THSD7B: variants seen among roughly 807,000 people sequenced by gnomAD.
The protein encoded by THSD7B is thrombospondin type-1 domain-containing protein 7B.
Under a neutral mutation model 213.6 loss-of-function variants are expected in THSD7B, and 138 were observed. The observed-to-expected ratio is 0.65, with a 90% CI of 0.56 to 0.74. The LOEUF (loss-of-function observed/expected upper bound fraction) is 0.74, where lower values mean the gene tolerates loss of function less well. Among genes scored for constraint, THSD7B ranks in the 30% least tolerant of loss-of-function variants. The pLI, the probability that THSD7B is intolerant of heterozygous loss-of-function variation, is 0.00. For missense variants in THSD7B, 1,931 were observed against 1,991.5 expected (o/e 0.97, Z 0.58); for synonymous variants, 742 against 687.0 (o/e 1.08, Z -1.25).
intron 21 of THSD7B, among the ~76,000 whole-genome samples, chr2:137,655,002 GC>G (rs2104815859): frequency 6.6e-6 from 1 of 152,238 alleles, no homozygotes; most frequent in South Asian, 2.1e-4. Context: ...ACATTATTCA[GC>G]ATAGAAGGCA....
At chr2:137,655,912 T>C (rs577256082) in intron 22 of THSD7B, among the ~76,000 whole-genome samples, 43 of 152,172 alleles carry the variant, frequency 2.8e-4, no homozygotes, top group Non-Finnish European at 5.6e-4. Context: ...CACTTCATTG[T>C]TTTACTTGGG....
chr2:137,457,732 C>T (rs1687790161), intron 15 of THSD7B, among the ~76,000 whole-genome samples: 2 of 152,158 alleles, frequency 1.3e-5, no homozygotes, highest in African/African-American at 4.8e-5. Flanking sequence ...GAAAAGCTCT[C>T]CCCTCCTTTC....
At chr2:137,651,216 A>T (rs978828024) in intron 21 of THSD7B, among the ~76,000 whole-genome samples, 1 of 151,846 alleles carries the variant, frequency 6.6e-6, no homozygotes, top group Non-Finnish European at 1.5e-5. Flanking sequence ...GTTTTTTTTC[A>T]TGGGAGACTT....
chr2:137,325,993 C>T (rs1370222566), intron 12 of THSD7B, among the ~76,000 whole-genome samples: 1 of 152,188 alleles, frequency 6.6e-6, no homozygotes, highest in African/African-American at 2.4e-5. Flanking sequence ...TTCTTAGAAG[C>T]CTTCTGAAAT....
intron 2 of THSD7B, chr2:136,990,903 A>G: frequency 1.5e-6 from 2 of 1,349,436 alleles, no homozygotes; most frequent in South Asian, 1.2e-5. Flanking sequence ...TGCATAACAC[A>G]GCAGATGAGG....
chr2:137,375,487 C>T (rs949999841), intron 12 of THSD7B, among the ~76,000 whole-genome samples: 1 of 152,116 alleles, frequency 6.6e-6, no homozygotes, highest in Non-Finnish European at 1.5e-5. Context: ...TCATGTTTCT[C>T]GCATGCAACT....
chr2:137,015,878 A>G (rs1686330424), intron 2 of THSD7B, among the ~76,000 whole-genome samples: 1 of 152,166 alleles, frequency 6.6e-6, no homozygotes. Context: ...CACAGAGCTC[A>G]GTTCCCCTTT....
intron 7 of THSD7B, among the ~76,000 whole-genome samples, chr2:137,214,783 A>G (rs974641116): frequency 6.6e-6 from 1 of 152,144 alleles, no homozygotes; most frequent in African/African-American, 2.4e-5. Context: ...TTATGGCTGC[A>G]TAGTCTTCCA....
intron 5 of THSD7B, among the ~76,000 whole-genome samples, chr2:137,152,323 T>G (rs1679834608): frequency 1.3e-5 from 2 of 152,194 alleles, no homozygotes; most frequent in Non-Finnish European, 2.9e-5. Flanking sequence ...ACATATTTTT[T>G]GGAAGCAGAC....
intron 2 of THSD7B, among the ~76,000 whole-genome samples, chr2:136,925,760 T>A (rs571831799): frequency 2.9e-4 from 44 of 152,266 alleles, no homozygotes; most frequent in Non-Finnish European, 5.0e-4. Context: ...TTTCTCTAAG[T>A]ATTTGAGAGA....
At position 137,170,866 on chromosome 2, in the gene THSD7B, A is replaced by C. The variant is rs765291530; in HGVS notation, c.1651A>C (p.Ile551Leu). Residue 551 changes from isoleucine to leucine, a missense_variant, in exon 7 of 28, where the codon ATC becomes CTC. By Grantham distance (5) the Ile-to-Leu change is conservative. Transcript: ENST00000409968. ...MCYRWLASEG[I>L]CFPDHGKCGL... ...CTACCGATGGCTGGCATCAGAAGGG[A>C]TCTGTTTCCCTGATCATGGAAAATG... The C allele has an allele frequency of 6.2e-7, 1 of 1,613,556 alleles. No homozygotes were observed. The highest frequency in any genetic ancestry group is 1.7e-5 in the Admixed American group (1 of 59,972).
chr2:137,504,708 A>T (rs550576761), intron 15 of THSD7B, among the ~76,000 whole-genome samples: 10 of 152,332 alleles, frequency 6.6e-5, no homozygotes, highest in East Asian at 5.8e-4. Context: ...CCTTCAGGAA[A>T]GAATATGCGA....
intron 12 of THSD7B, among the ~76,000 whole-genome samples, chr2:137,383,088 C>T (rs1685812660): frequency 6.6e-6 from 1 of 152,170 alleles, no homozygotes; most frequent in Admixed American, 6.5e-5. Context: ...TTGTGGTTAA[C>T]CACCTGGAAA....
chr2:136,778,011 A>G (rs1681645863), intron 1 of THSD7B, among the ~76,000 whole-genome samples: 1 of 152,204 alleles, frequency 6.6e-6, no homozygotes, highest in African/African-American at 2.4e-5. Flanking sequence ...AAATGTCCTT[A>G]TAAGCACCAA....
chr2:137,537,114 A>T (rs751306822), intron 15 of THSD7B, among the ~76,000 whole-genome samples: 12 of 151,794 alleles, frequency 7.9e-5, no homozygotes, highest in African/African-American at 1.2e-4. Context: ...TTTGATGATC[A>T]TTGATCTAAA....
intron 7 of THSD7B, among the ~76,000 whole-genome samples, chr2:137,204,668 A>C (rs540158129): frequency 1.3e-5 from 2 of 152,268 alleles, no homozygotes; most frequent in East Asian, 3.9e-4. Context: ...TTTATTGAGC[A>C]CAAATTATTT....
At chr2:136,852,671 T>C (rs1683118089) in intron 1 of THSD7B, among the ~76,000 whole-genome samples, 1 of 152,250 alleles carries the variant, frequency 6.6e-6, no homozygotes, top group South Asian at 2.1e-4. Context: ...ATGTTTTCTT[T>C]TAATATAACT....
intron 15 of THSD7B, among the ~76,000 whole-genome samples, chr2:137,494,847 A>T (rs1242666547): frequency 2.0e-5 from 3 of 152,150 alleles, no homozygotes; most frequent in Non-Finnish European, 4.4e-5. Flanking sequence ...CACAAACAGT[A>T]TACTTTCATT....
chr2:136,942,034 G>A lies in THSD7B; in HGVS notation c.139+59717G>A, dbSNP rs564028208. Among the ~76,000 whole-genome samples the A allele has an allele frequency of 3.8e-4, 58 of 152,266 alleles. No individual in the cohort carries two copies. In the South Asian group the frequency reaches 0.01, roughly 27 times the overall value. ...GAATTAATTTTTGTATAAGGTGTAC[G>A]GAAGGGATCCAGTTTCAGCTTTCTA... On this transcript the variant is annotated intron_variant, in intron 2 of 27. Coordinates refer to ENST00000409968, the MANE Select transcript of THSD7B (RefSeq NM_001316349.2).
Sources: gnomAD v4.1 joint callset for allele counts (sites outside exome capture counted in the v4.1 genomes callset) on GRCh38, gnomAD v4.1.1 for gene constraint, MANE v1.5 for transcripts, NCBI Gene and HGNC (gene_info 2026-07-23, HGNC 2026-07-21) for gene names.